TMEM163: variants seen among roughly 807,000 people sequenced by gnomAD.
TMEM163 encodes the protein transmembrane protein 163.
A neutral mutation model predicts 29.3 loss-of-function variants in TMEM163; 17 were observed. That is an observed-to-expected ratio of 0.58 (90% CI 0.40 to 0.87). TMEM163 has a LOEUF of 0.87. Among genes scored for constraint, TMEM163 ranks in the 40% least tolerant of loss-of-function variants. TMEM163 has a pLI of 0.00. For missense variants in TMEM163, 303 were observed against 381.5 expected, an observed-to-expected ratio of 0.79 and a Z score of 1.71; for synonymous variants, 157 against 160.6, an observed-to-expected ratio of 0.98 and a Z score of 0.17.
intron 5 of TMEM163, among the ~76,000 whole-genome samples, chr2:134,490,767 T>G (rs1259148123): frequency 6.6e-6 from 1 of 152,114 alleles, no homozygotes; most frequent in African/African-American, 2.4e-5. Flanking sequence ...ACATGTCACG[T>G]AAAGGGGACC....
chr2:134,463,844 C>T (rs116295399), intron 6 of TMEM163, among the ~76,000 whole-genome samples: 25 of 152,322 alleles, frequency 1.6e-4, no homozygotes, highest in Non-Finnish European at 3.7e-4. Context: ...TGCAACTTCA[C>T]GCTCCAACAG....
intron 2 of TMEM163, among the ~76,000 whole-genome samples, chr2:134,618,109 G>A (rs1181925035): frequency 6.6e-6 from 1 of 151,830 alleles, no homozygotes; most frequent in Non-Finnish European, 1.5e-5. Flanking sequence ...GTGAGACCCT[G>A]ACTCAGAAAA....
At chr2:134,679,469 A>G (rs939407122) in intron 2 of TMEM163, among the ~76,000 whole-genome samples, 1 of 151,774 alleles carries the variant, frequency 6.6e-6, no homozygotes, top group African/African-American at 2.4e-5. Context: ...CACTTCAATC[A>G]TTTTCACACC....
chr2:134,701,980 C>A (rs573597440), intron 2 of TMEM163, among the ~76,000 whole-genome samples: 2 of 150,172 alleles, frequency 1.3e-5, no homozygotes, highest in South Asian at 4.2e-4. Context: ...TCTTCCCCAA[C>A]TCAGCTCCCA....
At chr2:134,579,911 A>G (rs1417316793) in intron 2 of TMEM163, among the ~76,000 whole-genome samples, 1 of 152,200 alleles carries the variant, frequency 6.6e-6, no homozygotes, top group African/African-American at 2.4e-5. Flanking sequence ...TCTCTCATAC[A>G]GGGCATGAAG....
intron 4 of TMEM163, among the ~76,000 whole-genome samples, chr2:134,542,740 G>A (rs981243932): frequency 6.6e-6 from 1 of 152,150 alleles, no homozygotes; most frequent in African/African-American, 2.4e-5. Context: ...CAACAGAAAT[G>A]TATCGTCCCA....
At chr2:134,513,994 C>A (rs74555774) in intron 4 of TMEM163, among the ~76,000 whole-genome samples, 202 of 152,362 alleles carry the variant, frequency 1.3e-3, no homozygotes, top group African/African-American at 4.6e-3. Flanking sequence ...CGAGCCAGTG[C>A]TCCACTCAAA....
In TMEM163 at chr2:134,569,591, G is replaced by A. The variant is rs1233988048; in HGVS notation, c.323-17500C>T. Among the ~76,000 whole-genome samples the A allele has an allele frequency of 2.0e-5, 3 of 152,044 alleles. No individual in the cohort carries two copies. In the East Asian group the frequency reaches 5.8e-4, roughly 29 times the overall value. ...ACATCCCCAGTCCCTGGCCCAGATC[G>A]AACCTCTAATATAATTATTACCCAC... is the stretch of plus-strand genomic sequence containing the variant. On this transcript the variant is annotated intron_variant, in intron 2 of 7. Transcript: ENST00000281924.
intron 4 of TMEM163, among the ~76,000 whole-genome samples, chr2:134,544,370 C>T (rs953243990): frequency 2.6e-5 from 4 of 152,206 alleles, no homozygotes; most frequent in African/African-American, 9.6e-5. Flanking sequence ...TCTCCTCAAC[C>T]TTCATTTTTA....
At chr2:134,600,545 A>T (rs1011676528) in intron 2 of TMEM163, among the ~76,000 whole-genome samples, 3 of 152,204 alleles carry the variant, frequency 2.0e-5, no homozygotes, top group Non-Finnish European at 2.9e-5. Context: ...TTAATGCTAT[A>T]GTTCGAATGC....
intron 2 of TMEM163, among the ~76,000 whole-genome samples, chr2:134,661,243 G>A (rs1025877252): frequency 1.3e-5 from 2 of 152,142 alleles, no homozygotes; most frequent in Non-Finnish European, 2.9e-5. Flanking sequence ...TGCAGCAAGA[G>A]GTCCTTCGCC....
chr2:134,604,117 T>C (rs2104812044), intron 2 of TMEM163, among the ~76,000 whole-genome samples: 1 of 152,222 alleles, frequency 6.6e-6, no homozygotes, highest in East Asian at 1.9e-4. Flanking sequence ...CACTCCGCTG[T>C]CAGATTAACT....
intron 2 of TMEM163, among the ~76,000 whole-genome samples, chr2:134,555,391 A>T (rs1450822942): frequency 1.3e-5 from 2 of 152,210 alleles, no homozygotes; most frequent in Non-Finnish European, 2.9e-5. Context: ...TACATGGTAG[A>T]GGCACCTGGA....
intron 1 of TMEM163, among the ~76,000 whole-genome samples, chr2:134,718,176 G>A (rs1003856336): frequency 1.3e-5 from 2 of 152,242 alleles, no homozygotes; most frequent in African/African-American, 2.4e-5. Flanking sequence ...TTAGAATCGG[G>A]GACTGCCCGA....
intron 2 of TMEM163, among the ~76,000 whole-genome samples, chr2:134,595,621 G>A (rs573575529): frequency 6.6e-5 from 10 of 152,208 alleles, no homozygotes; most frequent in African/African-American, 1.7e-4. Context: ...AACGCTTTAG[G>A]TATATACCCA....
chr2:134,713,094 A>T, intron 2 of TMEM163, 106 bp downstream of exon 2: 1 of 1,489,370 alleles, frequency 6.7e-7, no homozygotes, highest in Non-Finnish European at 9.0e-7. Context: ...AAAAAAATTT[A>T]CTCATCAATA....
At chr2:134,612,218 A>G (rs943604912) in intron 2 of TMEM163, among the ~76,000 whole-genome samples, 11 of 152,176 alleles carry the variant, frequency 7.2e-5, no homozygotes, top group Non-Finnish European at 2.9e-5. Flanking sequence ...CCTGCAGGAA[A>G]AGCTCTATCT....
intron 4 of TMEM163, among the ~76,000 whole-genome samples, chr2:134,516,345 G>A (rs537111422): frequency 4.6e-5 from 7 of 152,078 alleles, no homozygotes; most frequent in East Asian, 3.9e-4. Flanking sequence ...CAGATCACTC[G>A]TGGTCAGGAG....
intron 5 of TMEM163, among the ~76,000 whole-genome samples, chr2:134,485,638 G>C (rs1395974357): frequency 1.3e-5 from 2 of 152,118 alleles, no homozygotes; most frequent in Admixed American, 6.5e-5. Context: ...ACTGCATCAG[G>C]CTCACCCAGA....
Sources: gnomAD v4.1 joint callset for allele counts (sites outside exome capture counted in the v4.1 genomes callset) on GRCh38, gnomAD v4.1.1 for gene constraint, MANE v1.5 for transcripts, NCBI Gene and HGNC (gene_info 2026-07-23, HGNC 2026-07-21) for gene names.